FUT9: variants seen among roughly 807,000 people sequenced by gnomAD.
The protein encoded by FUT9 is fucosyltransferase 9, also known as 4-galactosyl-N-acetylglucosaminide 3-alpha-L-fucosyltransferase 9.
Under a neutral mutation model 29.7 loss-of-function variants are expected in FUT9, and 15 were observed. The observed-to-expected ratio is 0.51, with a 90% confidence interval of 0.34 to 0.78. FUT9 has a LOEUF of 0.78. FUT9 is among the 30% of genes least tolerant of loss of function. FUT9 has a pLI of 0.01. For synonymous variants in FUT9, 169 were observed against 153.7 expected (o/e 1.10, Z -0.74); for missense variants, 319 against 425.4 (o/e 0.75, Z 2.20).
At position 96,205,167 on chromosome 6, in the gene FUT9, T is replaced by G. The variant is rs1378680511; in HGVS notation, c.*932T>G. On this transcript the variant is annotated 3_prime_UTR_variant, in exon 3 of 3. Coordinates refer to ENST00000302103, the MANE Select transcript of FUT9 (RefSeq NM_006581.4). Reference sequence around the variant, plus strand: ...AGCCCTAATATTTAAAATGGTCTTATTTTACCATATGGATATAAGATTTGG... The same window carrying G: ...AGCCCTAATATTTAAAATGGTCTTAGTTTACCATATGGATATAAGATTTGG... 1 of 167,004 alleles carries G rather than the reference T, an allele frequency of 6.0e-6. No homozygotes were observed. Among genetic ancestry groups the G allele is most frequent in the Non-Finnish European group, 1.5e-5 (1 of 68,078 alleles). 10.3% of individuals were successfully genotyped at this position (167,004 alleles called of 1,614,324 possible).
chr6:96,190,764 C>T (rs1057454095), intron 2 of FUT9, among the ~76,000 whole-genome samples: 7 of 152,154 alleles, frequency 4.6e-5, no homozygotes, highest in African/African-American at 1.7e-4. Flanking sequence ...CCATCAGGTC[C>T]TTTAAGGACT....
chr6:96,159,406 A>G (rs1393168600), intron 2 of FUT9, among the ~76,000 whole-genome samples: 1 of 152,112 alleles, frequency 6.6e-6, no homozygotes, highest in Non-Finnish European at 1.5e-5. Context: ...ACTTCCTTCC[A>G]AAAATCAAAG....
intron 2 of FUT9, among the ~76,000 whole-genome samples, chr6:96,177,794 A>G (rs1286925180): frequency 6.6e-6 from 1 of 152,132 alleles, no homozygotes; most frequent in Non-Finnish European, 1.5e-5. Context: ...TATTAAAATT[A>G]TTATCATTTT....
intron 2 of FUT9, among the ~76,000 whole-genome samples, chr6:96,143,528 T>C: frequency 6.6e-6 from 1 of 151,930 alleles, no homozygotes; most frequent in East Asian, 1.9e-4. Context: ...CCTCCTTCTT[T>C]CTCTCTCTCC....
At chr6:96,201,205 T>C (rs1468840607) in intron 2 of FUT9, among the ~76,000 whole-genome samples, 1 of 152,032 alleles carries the variant, frequency 6.6e-6, no homozygotes, top group Non-Finnish European at 1.5e-5. Flanking sequence ...TGTTAACTGC[T>C]GAATCAGAAT....
intron 1 of FUT9, among the ~76,000 whole-genome samples, chr6:96,093,700 T>C (rs1212817842): frequency 2.6e-5 from 4 of 152,142 alleles, no homozygotes; most frequent in Non-Finnish European, 4.4e-5. Context: ...AAAAATGGCC[T>C]CAAAGTTATT....
At chr6:96,149,618 T>C (rs1165665290) in intron 2 of FUT9, among the ~76,000 whole-genome samples, 3 of 152,192 alleles carry the variant, frequency 2.0e-5, no homozygotes, top group Non-Finnish European at 2.9e-5. Context: ...ATAAACCTTA[T>C]TGAAGCATGA....
chr6:96,018,074 C>T (rs1388142202), intron 1 of FUT9, among the ~76,000 whole-genome samples: 1 of 152,034 alleles, frequency 6.6e-6, no homozygotes, highest in Non-Finnish European at 1.5e-5. Context: ...TGTGGATAGC[C>T]GCATTAAAAG....
At chr6:96,058,157 T>A (rs1770808030) in intron 1 of FUT9, among the ~76,000 whole-genome samples, 1 of 152,060 alleles carries the variant, frequency 6.6e-6, no homozygotes, top group African/African-American at 2.4e-5. Context: ...TGGGTGCAGT[T>A]CTATTCTGTT....
intron 1 of FUT9, among the ~76,000 whole-genome samples, chr6:96,081,627 A>G (rs1238335506): frequency 2.6e-5 from 4 of 151,886 alleles, no homozygotes; most frequent in Admixed American, 2.6e-4. Context: ...AAACAATGCT[A>G]CTACAAACAT....
chr6:96,058,676 C>G (rs1320582500), intron 1 of FUT9, among the ~76,000 whole-genome samples: 1 of 152,018 alleles, frequency 6.6e-6, no homozygotes, highest in East Asian at 1.9e-4. Context: ...CCTAGCAGTA[C>G]CAACCTTTGA....
chr6:96,162,098 C>T (rs1272616435), intron 2 of FUT9, among the ~76,000 whole-genome samples: 1 of 152,126 alleles, frequency 6.6e-6, no homozygotes, highest in African/African-American at 2.4e-5. Flanking sequence ...TGCGTGTTTT[C>T]CATAGAGCCC....
At chr6:96,092,135 T>A (rs771674197) in intron 1 of FUT9, among the ~76,000 whole-genome samples, 1 of 152,108 alleles carries the variant, frequency 6.6e-6, no homozygotes, top group African/African-American at 2.4e-5. Flanking sequence ...ATTGATCTAT[T>A]TATCAGATTA....
chr6:96,056,639 A>G (rs1348227637), intron 1 of FUT9, among the ~76,000 whole-genome samples: 1 of 152,130 alleles, frequency 6.6e-6, no homozygotes, highest in Non-Finnish European at 1.5e-5. Flanking sequence ...AGTCCCAGGT[A>G]CTTGCGAGGA....
In FUT9 at chr6:96,212,526, C is replaced by T. The variant is rs1346520675; in HGVS notation, c.*8291C>T. The T allele has an allele frequency of 2.5e-6, 1 of 405,474 alleles. No individual in the cohort carries two copies. Among genetic ancestry groups the T allele is most frequent in the Non-Finnish European group, 4.5e-6 (1 of 221,496 alleles). The allele number at this position is 405,474 out of a possible 1,614,324, so 25.1% of individuals were successfully genotyped here. On this transcript the variant is annotated 3_prime_UTR_variant, in exon 3 of 3. Transcript: ENST00000302103. The stretch of plus-strand genomic sequence containing the variant: ...TATCATATTTGAGAACAAGATTTTA[C>T]TTAGAAGGGAAAAAAAAGAACTTTC...
At chr6:96,175,927 C>T (rs1427111112) in intron 2 of FUT9, among the ~76,000 whole-genome samples, 1 of 152,206 alleles carries the variant, frequency 6.6e-6, no homozygotes, top group African/African-American at 2.4e-5. Flanking sequence ...GGAAGATCTG[C>T]TCTCACCAAC....
intron 2 of FUT9, among the ~76,000 whole-genome samples, chr6:96,162,066 G>T (rs897059834): frequency 6.6e-6 from 1 of 151,920 alleles, no homozygotes; most frequent in Non-Finnish European, 1.5e-5. Flanking sequence ...TCATTTTTCT[G>T]CTTAAATTTT....
intron 2 of FUT9, among the ~76,000 whole-genome samples, chr6:96,117,896 C>G (rs1771941482): frequency 6.6e-6 from 1 of 152,142 alleles, no homozygotes; most frequent in African/African-American, 2.4e-5. Context: ...ATGTCTGTTT[C>G]CTGTTGAGCT....
intron 1 of FUT9, among the ~76,000 whole-genome samples, chr6:96,050,340 A>T (rs1770643176): frequency 6.6e-6 from 1 of 152,180 alleles, no homozygotes; most frequent in Non-Finnish European, 1.5e-5. Context: ...CATTTTAAAA[A>T]TTTTGAACAG....
Sources: allele counts gnomAD v4.1 joint callset (sites outside exome capture counted in the v4.1 genomes callset), GRCh38; gene constraint gnomAD v4.1.1; transcripts MANE v1.5; gene names NCBI Gene and HGNC (gene_info 2026-07-23, HGNC 2026-07-21).